The following DPP6 variants were observed in gnomAD, a reference collection of about 807,000 sequenced individuals.
DPP6 encodes dipeptidyl peptidase like 6.
A neutral mutation model predicts 122.6 loss-of-function variants in DPP6; 69 were observed. The ratio of observed to expected loss-of-function variants is 0.56; its 90% CI spans 0.46 to 0.69. DPP6 has a LOEUF of 0.69. Among genes scored for constraint, DPP6 ranks in the 30% least tolerant of loss-of-function variants. The probability of loss-of-function intolerance (pLI) is 0.00; values close to 1 mark genes in which losing one functional copy is unlikely to be tolerated. For missense variants in DPP6, 928 were observed against 1,116.9 expected (o/e 0.83, Z 2.41); for synonymous variants, 418 against 433.1 (o/e 0.97, Z 0.43).
At chr7:154,660,746 G>A (rs1189347803) in intron 6 of DPP6, among the ~76,000 whole-genome samples, 5 of 27,458 alleles carry the variant, frequency 1.8e-4, no homozygotes, top group Non-Finnish European at 3.2e-4. Flanking sequence ...TCACCATGGC[G>A]TATTGGCCGT....
chr7:154,336,584 G>T (rs910288276), intron 1 of DPP6, among the ~76,000 whole-genome samples: 1 of 152,294 alleles, frequency 6.6e-6, no homozygotes, highest in South Asian at 2.1e-4. Context: ...TCACACCTTG[G>T]AGTATGATTC....
In DPP6 at chr7:154,587,889, G is replaced by T. The variant is rs555629665; in HGVS notation, c.627+20973G>T. 35 of 1,612,822 alleles carry T rather than the reference G, an allele frequency of 2.2e-5. No individual in the cohort carries two copies. The South Asian group carries it at 3.7e-4, about 17-fold the overall frequency. The stretch of plus-strand genomic sequence containing the variant: ...TTTCAGATATTCCATGGAGACCCTG[G>T]CTGGAGGATTGCAGGAGAGTCCCAG... On this transcript the variant is annotated intron_variant, in intron 5 of 25. Coordinates refer to ENST00000377770, the MANE Select transcript of DPP6 (RefSeq NM_130797.4).
intron 1 of DPP6, among the ~76,000 whole-genome samples, chr7:154,204,667 C>T (rs574278080): frequency 5.3e-4 from 81 of 152,062 alleles, no homozygotes; most frequent in African/African-American, 1.3e-3. Context: ...AGGTCCTGGG[C>T]GTGGTTAAGT....
chr7:154,477,076 CAA>C (rs143942132), intron 3 of DPP6, among the ~76,000 whole-genome samples: 2,158 of 146,040 alleles, frequency 0.015, 37 homozygotes, highest in South Asian at 0.063. Flanking sequence ...GAGACCCTGT[CAA>C]AAAAAAAAGA....
At chr7:154,663,248 A>G (rs1298432081) in intron 6 of DPP6, among the ~76,000 whole-genome samples, 4 of 66,328 alleles carry the variant, frequency 6.0e-5, no homozygotes, top group Admixed American at 2.1e-4. Flanking sequence ...GTGAATCACC[A>G]TGGCGTATTG....
At chr7:154,450,387 T>A (rs1416628976) in intron 2 of DPP6, among the ~76,000 whole-genome samples, 1 of 152,208 alleles carries the variant, frequency 6.6e-6, no homozygotes, top group Non-Finnish European at 1.5e-5. Context: ...AAACACTGAA[T>A]TGTATACATT....
intron 1 of DPP6, among the ~76,000 whole-genome samples, chr7:154,416,345 C>T (rs1296679209): frequency 6.6e-6 from 1 of 152,114 alleles, no homozygotes; most frequent in Non-Finnish European, 1.5e-5. Context: ...TAACACAACA[C>T]GATGCCTGTG....
intron 5 of DPP6, among the ~76,000 whole-genome samples, chr7:154,582,349 A>C (rs1470227053): frequency 1.3e-5 from 2 of 152,238 alleles, no homozygotes; most frequent in Non-Finnish European, 2.9e-5. Context: ...GACAGAAATA[A>C]GTTAGTTTCC....
intron 3 of DPP6, among the ~76,000 whole-genome samples, chr7:154,540,049 A>G (rs1828592916): frequency 6.6e-6 from 1 of 151,906 alleles, no homozygotes; most frequent in Non-Finnish European, 1.5e-5. Context: ...ATAGATTCAA[A>G]GGTATTCATG....
At chr7:153,824,386 C>CAAAA in the DPP6 span, among the ~76,000 whole-genome samples, 14,478 of 79,046 alleles carry the variant, frequency 0.18, 1,783 homozygotes, top group South Asian at 0.24. Flanking sequence ...GAGTCTGTCT[C>CAAAA]AAAAAAAAAA....
At chr7:154,611,404 T>C (rs1348305729) in intron 5 of DPP6, among the ~76,000 whole-genome samples, 1 of 152,222 alleles carries the variant, frequency 6.6e-6, no homozygotes, top group Non-Finnish European at 1.5e-5. Flanking sequence ...CAGCAAATGT[T>C]TGTGGGATGC....
At chr7:154,654,137 A>G (rs1563064673) in intron 6 of DPP6, among the ~76,000 whole-genome samples, 1 of 152,232 alleles carries the variant, frequency 6.6e-6, no homozygotes, top group African/African-American at 2.4e-5. Flanking sequence ...ATACGGGAGG[A>G]TGTGCTTACA....
intron 1 of DPP6, among the ~76,000 whole-genome samples, chr7:154,442,362 C>T (rs1819453940): frequency 1.3e-5 from 2 of 152,128 alleles, no homozygotes; most frequent in African/African-American, 4.8e-5. Context: ...AAGGCACTCA[C>T]AGAGTGTTGT....
chr7:154,758,914 G>A (rs1045402893), intron 8 of DPP6, among the ~76,000 whole-genome samples: 1 of 152,190 alleles, frequency 6.6e-6, no homozygotes, highest in Non-Finnish European at 1.5e-5. Context: ...CGTCCTTCCC[G>A]TGAGAGCACG....
chr7:153,977,222 T>TG (rs397719139), intron 1 of DPP6, among the ~76,000 whole-genome samples: 5 of 151,612 alleles, frequency 3.3e-5, no homozygotes, highest in East Asian at 1.9e-4. Context: ...TGTGTGTGTG[T>TG]TGACCTTTGC....
chr7:153,908,857 G>A (rs960260765), intron 1 of DPP6, among the ~76,000 whole-genome samples: 2 of 152,060 alleles, frequency 1.3e-5, no homozygotes, highest in South Asian at 2.1e-4. Context: ...AGATTCAAGC[G>A]ATTCTCCTGC....
chr7:154,052,866 A>C lies in DPP6; in HGVS notation c.46A>C (p.Arg16=). Reference sequence around the variant, plus strand: ...GTTCACTGGCAAGATCAACACCTCGAGGTCCTTCCCCGCGCCCCCGGAGGC... The same window carrying C: ...GTTCACTGGCAAGATCAACACCTCGCGGTCCTTCCCCGCGCCCCCGGAGGC... The part of the protein sequence containing the change: ...QRFTGKINTS[R]SFPAPPEASH... The change falls in exon 1 of 26, where the codon AGG becomes CGG. Residue 16 remains arginine, a synonymous_variant. Transcript: ENST00000377770. This position sits in a 1 kb window ranked among gnomAD's most constrained non-coding sequence, Gnocchi z 4.8. The C allele has an allele frequency of 6.5e-7, 1 of 1,537,838 alleles. No homozygotes were observed. The highest frequency in any genetic ancestry group is 8.8e-7 in the Non-Finnish European group (1 of 1,142,556).
rs201730397 is a variant in DPP6 at position 154,052,829 on chromosome 7, G to C, written c.9G>C (p.Ser3=). Residue 3 remains serine (S), a synonymous_variant, in exon 1 of 26, where the codon TCG becomes TCC. Coordinates refer to ENST00000377770, the MANE Select transcript of DPP6 (RefSeq NM_130797.4). The surrounding 1 kb of genome is among the most constrained non-coding windows in gnomAD (Gnocchi z 4.8). ...CAGGAGCGCGGTGCCCGATGGCTTC[G>C]CTGTACCAGAGGTTCACTGGCAAGA... MA[S]LYQRFTGKIN... is the part of the protein sequence containing the mutation. 2 of 1,529,612 alleles carry C rather than the reference G, an allele frequency of 1.3e-6. No individual in the cohort carries two copies. The highest frequency in any genetic ancestry group is 2.8e-5 in the African/African-American group (2 of 72,330). The allele number at this position is 1,529,612 out of a possible 1,614,324, so 94.8% of individuals were successfully genotyped here. A position where few individuals can be genotyped will look rare whatever the true frequency, so the allele number is the denominator to read the frequency against.
chr7:154,581,511 CAGG>C (rs1002519795), intron 5 of DPP6, among the ~76,000 whole-genome samples: 2 of 152,178 alleles, frequency 1.3e-5, no homozygotes, highest in African/African-American at 4.8e-5. Context: ...ACGGGTTTCA[CAGG>C]AGGAGAAGCA....
Sources: allele counts gnomAD v4.1 joint callset (sites outside exome capture counted in the v4.1 genomes callset), GRCh38; gene constraint gnomAD v4.1.1; non-coding constraint Gnocchi (gnomAD v3.1); transcripts MANE v1.5; gene names NCBI Gene and HGNC (gene_info 2026-07-23, HGNC 2026-07-21).